The following CFH variants were observed in gnomAD, a reference collection of about 807,000 sequenced individuals.
The protein encoded by CFH is H factor 1 (complement).
In CFH, 53 loss-of-function variants were observed where a neutral mutation model predicts 147.3. The ratio of observed to expected loss-of-function variants is 0.36; its 90% confidence interval spans 0.29 to 0.45. The LOEUF (loss-of-function observed/expected upper bound fraction) is 0.45, where lower values mean the gene tolerates loss of function less well. Ranked by LOEUF, CFH falls within the 20% of genes least tolerant of loss-of-function variation. The probability of loss-of-function intolerance (pLI) is 1.00; values close to 1 mark genes in which losing one functional copy is unlikely to be tolerated. For missense variants in CFH, 1,380 were observed against 1,498.0 expected (o/e 0.92, Z 1.30); for synonymous variants, 536 against 489.4 (o/e 1.10, Z -1.26).
At chr1:196,655,748 G>A (rs1450160815) in intron 1 of CFH, among the ~76,000 whole-genome samples, 55 of 152,226 alleles carry the variant, frequency 3.6e-4, no homozygotes, top group East Asian at 1.9e-4. Context: ...TAACTAACGT[G>A]TACTTTACCC....
chr1:196,652,898 A>G (rs978616785), intron 1 of CFH, among the ~76,000 whole-genome samples: 22 of 151,808 alleles, frequency 1.4e-4, no homozygotes, highest in Non-Finnish European at 1.0e-4. Context: ...TAATTATATC[A>G]CTGCTTCTTG....
chr1:196,657,942 C>T (rs1384067942), intron 1 of CFH, among the ~76,000 whole-genome samples: 1 of 151,990 alleles, frequency 6.6e-6, no homozygotes, highest in African/African-American at 2.4e-5. Flanking sequence ...AATAAAAACA[C>T]TTTTCAACTA....
At chr1:196,743,227 C>A (rs1266521057) in intron 19 of CFH, among the ~76,000 whole-genome samples, 1 of 152,080 alleles carries the variant, frequency 6.6e-6, no homozygotes, top group Non-Finnish European at 1.5e-5. Context: ...AGTGTTCTAG[C>A]GAAGGATGAA....
intron 15 of CFH, among the ~76,000 whole-genome samples, chr1:196,733,473 T>C (rs1669327998): frequency 6.6e-6 from 1 of 152,116 alleles, no homozygotes; most frequent in South Asian, 2.1e-4. Flanking sequence ...TGGAGGTAAC[T>C]GTAAAGGTTG....
At chr1:196,707,179 A>G (rs751773365) in intron 9 of CFH, among the ~76,000 whole-genome samples, 1 of 152,200 alleles carries the variant, frequency 6.6e-6, no homozygotes, top group Non-Finnish European at 1.5e-5. Flanking sequence ...AACAAATTTT[A>G]GCTAAGATTT....
At chr1:196,731,477 T>A (rs1444530030) in intron 15 of CFH, among the ~76,000 whole-genome samples, 3 of 151,982 alleles carry the variant, frequency 2.0e-5, no homozygotes, top group African/African-American at 7.2e-5. Flanking sequence ...AGTTTGTAGC[T>A]TCAGCTGTTC....
intron 6 of CFH, among the ~76,000 whole-genome samples, chr1:196,682,405 T>A (rs1324721294): frequency 6.6e-6 from 1 of 151,772 alleles, no homozygotes; most frequent in Non-Finnish European, 1.5e-5. Context: ...AAAAAGATTA[T>A]GAGTGTAGGA....
At position 196,709,951 on chromosome 1, in the gene CFH, A is replaced by G. The variant is rs1668684860; in HGVS notation, c.1337-3784A>G. Among the ~76,000 whole-genome samples the G allele has an allele frequency of 1.3e-5, 2 of 152,128 alleles. 1 individual carries two copies. Among genetic ancestry groups the G allele is most frequent in the South Asian group, 4.1e-4 (2 of 4,826 alleles). The stretch of plus-strand genomic sequence containing the variant: ...CTTGAGCCTGGGAGGCAGAAGTTGC[A>G]GTGAGCTGTGATCACGCTACTGAAA... On this transcript the variant is annotated intron_variant, in intron 9 of 21. Coordinates refer to ENST00000367429, the MANE Select transcript of CFH (RefSeq NM_000186.4).
intron 1 of CFH, among the ~76,000 whole-genome samples, chr1:196,672,598 G>T (rs1047377314): frequency 6.6e-6 from 1 of 152,074 alleles, no homozygotes; most frequent in African/African-American, 2.4e-5. Flanking sequence ...TTTCTTCATT[G>T]TTTTTTCTTT....
chr1:196,745,682 C>T, intron 20 of CFH, 135 bp from the exon 21 acceptor site: 2 of 1,231,098 alleles, frequency 1.6e-6, no homozygotes, highest in South Asian at 1.2e-5. Context: ...AAATTTCTTC[C>T]AGGACTCATT....
chr1:196,684,085 A>T (rs1174884787), intron 6 of CFH, among the ~76,000 whole-genome samples: 1 of 151,950 alleles, frequency 6.6e-6, no homozygotes, highest in Non-Finnish European at 1.5e-5. Context: ...CAATATTGAG[A>T]TATAGCAGAG....
At chr1:196,726,353 A>C in intron 12 of CFH, 117 bp from the exon 13 acceptor site, 2 of 784,936 alleles carry the variant, frequency 2.5e-6, no homozygotes. Flanking sequence ...AGGATGCTAT[A>C]ATAAGTTACA....
At chr1:196,689,383 A>T (rs1489414208) in intron 7 of CFH, 37 bp from the exon 8 acceptor site, 2 of 1,563,008 alleles carry the variant, frequency 1.3e-6, no homozygotes, top group Non-Finnish European at 1.7e-6. Flanking sequence ...ATTACAGTAA[A>T]ATTTCTTTAT....
At chr1:196,685,769 T>C (rs1243031050) in intron 7 of CFH, among the ~76,000 whole-genome samples, 1 of 152,066 alleles carries the variant, frequency 6.6e-6, no homozygotes, top group Non-Finnish European at 1.5e-5. Context: ...TCAGGAGGCC[T>C]CAGGTCCTTA....
chr1:196,683,394 G>A (rs1256296232), intron 6 of CFH, among the ~76,000 whole-genome samples: 3 of 151,528 alleles, frequency 2.0e-5, no homozygotes, highest in Non-Finnish European at 3.0e-5. Flanking sequence ...TCAGAGCAAT[G>A]GCAACAAAAT....
intron 1 of CFH, among the ~76,000 whole-genome samples, chr1:196,665,728 C>T (rs759285247): frequency 6.6e-6 from 1 of 152,198 alleles, no homozygotes; most frequent in Middle Eastern, 3.2e-3. Flanking sequence ...CTGCCTCACG[C>T]CCCCACGTAG....
At chr1:196,674,479 C>T (rs775329279) in intron 3 of CFH, among the ~76,000 whole-genome samples, 18 of 152,150 alleles carry the variant, frequency 1.2e-4, no homozygotes, top group Non-Finnish European at 2.1e-4. Flanking sequence ...GAATCATTGA[C>T]TCTGTTCCTT....
At chr1:196,671,587 T>TTC (rs1553272712) in intron 1 of CFH, among the ~76,000 whole-genome samples, 2 of 129,492 alleles carry the variant, frequency 1.5e-5, no homozygotes, top group African/African-American at 5.5e-5. Flanking sequence ...AAAAGACTAA[T>TTC]ACACACACAC....
At chr1:196,727,429 A>C (rs1669171624) in intron 14 of CFH, among the ~76,000 whole-genome samples, 1 of 152,134 alleles carries the variant, frequency 6.6e-6, no homozygotes, top group Non-Finnish European at 1.5e-5. Context: ...GCTTAAGGCC[A>C]GGAATTCGAG....
Sources: allele counts gnomAD v4.1 joint callset (sites outside exome capture counted in the v4.1 genomes callset), GRCh38; gene constraint gnomAD v4.1.1; transcripts MANE v1.5; gene names NCBI Gene and HGNC (gene_info 2026-07-23, HGNC 2026-07-21).